CLDN14: variants seen among roughly 807,000 people sequenced by gnomAD.
The protein encoded by CLDN14 is claudin 14, also known as claudin-14.
A neutral mutation model predicts 2.1 loss-of-function variants in CLDN14; 2 were observed. That is an observed-to-expected ratio of 0.96 (90% CI 0.39 to 3.01). The LOEUF (loss-of-function observed/expected upper bound fraction) is 3.01. Ranked by LOEUF, CLDN14 falls within the 30% of genes most tolerant of loss-of-function variation. The pLI, the probability that CLDN14 is intolerant of heterozygous loss-of-function variation, is 0.09. For missense variants in CLDN14, 298 were observed against 328.0 expected (o/e 0.91, Z 0.71); for synonymous variants, 136 against 154.4 (o/e 0.88, Z 0.88).
chr21:36,566,877 T>C lies in CLDN14; in HGVS notation c.-220+9534A>G, dbSNP rs570600084. Among the ~76,000 whole-genome samples the C allele has an allele frequency of 2.0e-5, 3 of 152,282 alleles. No homozygotes were observed. In the South Asian group the frequency reaches 6.2e-4, roughly 32 times the overall value. ...AGGACCATAAATCAGGGGGCTCACG[T>C]TGATGGGTGAGGAGGCCGGAAGACA... On this transcript the variant is annotated intron_variant, in intron 1 of 2. Coordinates refer to the CLDN14 transcript ENST00000342108.
intron 1 of CLDN14, among the ~76,000 whole-genome samples, chr21:36,515,729 G>C (rs2087223065): frequency 6.7e-6 from 1 of 149,616 alleles, no homozygotes; most frequent in Non-Finnish European, 1.5e-5. Context: ...GGACACTCGG[G>C]TACTAAAAAT....
intron 1 of CLDN14, among the ~76,000 whole-genome samples, chr21:36,469,419 T>C (rs535592604): frequency 3.9e-5 from 6 of 152,352 alleles, no homozygotes; most frequent in African/African-American, 1.2e-4. Context: ...ATGCACTCTT[T>C]CCATGAGAGG....
At chr21:36,503,613 T>A (rs555616971) in intron 2 of CLDN14, among the ~76,000 whole-genome samples, 2 of 152,266 alleles carry the variant, frequency 1.3e-5, no homozygotes, top group Admixed American at 1.3e-4. Context: ...GAACTATGAG[T>A]TTTCCATGAA....
At chr21:36,476,830 G>A (rs546580007) in intron 1 of CLDN14, among the ~76,000 whole-genome samples, 4 of 152,378 alleles carry the variant, frequency 2.6e-5, no homozygotes, top group Admixed American at 6.5e-5. Context: ...ATGATTGGGT[G>A]AGTCTTCCAG....
intron 1 of CLDN14, among the ~76,000 whole-genome samples, chr21:36,553,815 A>G (rs2087579051): frequency 1.3e-5 from 2 of 152,140 alleles, no homozygotes; most frequent in African/African-American, 4.8e-5. Flanking sequence ...GGGATGAGGC[A>G]TGGCCGGCCC....
intron 1 of CLDN14, among the ~76,000 whole-genome samples, chr21:36,527,540 G>A (rs1045913716): frequency 2.6e-5 from 4 of 152,164 alleles, no homozygotes; most frequent in Non-Finnish European, 4.4e-5. Flanking sequence ...TGGCCAGCCC[G>A]CCTTGAAGTG....
chr21:36,507,590 C>A (rs1464078235), intron 2 of CLDN14, among the ~76,000 whole-genome samples: 1 of 152,066 alleles, frequency 6.6e-6, no homozygotes, highest in African/African-American at 2.4e-5. Context: ...GTGGTGGAGT[C>A]CCGTCTCTAC....
At chr21:36,486,562 A>C (rs1568853928) in intron 2 of CLDN14, 2 of 1,557,706 alleles carry the variant, frequency 1.3e-6, no homozygotes, top group Non-Finnish European at 1.8e-6. Context: ...TGAGAGCATC[A>C]GCCAAGCTGG....
intron 1 of CLDN14, among the ~76,000 whole-genome samples, chr21:36,478,312 G>C (rs1283651967): frequency 1.3e-5 from 2 of 152,214 alleles, no homozygotes; most frequent in East Asian, 3.9e-4. Context: ...AGCCAGATAA[G>C]GATGGGGGCT....
intron 1 of CLDN14, among the ~76,000 whole-genome samples, chr21:36,571,919 G>A (rs919939601): frequency 1.3e-5 from 2 of 152,126 alleles, no homozygotes; most frequent in Non-Finnish European, 1.5e-5. Flanking sequence ...TAAAAGCATG[G>A]CAGTGGATTT....
rs187834268 is a variant in CLDN14, at chr21:36,534,604, C to T, written c.-219-24104G>A. On this transcript the variant is annotated intron_variant, in intron 1 of 2. Coordinates refer to the CLDN14 transcript ENST00000342108. Reference sequence around the variant, plus strand: ...GGCTGGCTGACAATCACCATGGCACCATCCCATCAAGATGACGCACAGACT... The same window carrying T: ...GGCTGGCTGACAATCACCATGGCACTATCCCATCAAGATGACGCACAGACT... Among the ~76,000 whole-genome samples, 130 of 152,280 alleles carry T rather than the reference C, an allele frequency of 8.5e-4. 2 individuals carry two copies. The highest frequency in any genetic ancestry group is 3.1e-3 in the African/African-American group (129 of 41,554).
chr21:36,480,728 C>T (rs1008428243), upstream of CLDN14: 2 of 152,140 alleles, frequency 1.3e-5, no homozygotes, highest in East Asian at 1.9e-4. Flanking sequence ...TTTAACATGA[C>T]AAGAATTTCC....
chr21:36,511,237 G>A (rs971392705), intron 1 of CLDN14, among the ~76,000 whole-genome samples: 2 of 152,202 alleles, frequency 1.3e-5, no homozygotes, highest in African/African-American at 4.8e-5. Flanking sequence ...TTCTAAGTGA[G>A]CAGGTGTAGT....
At chr21:36,537,614 T>C (rs1288866524) in intron 1 of CLDN14, among the ~76,000 whole-genome samples, 2 of 151,150 alleles carry the variant, frequency 1.3e-5, no homozygotes, top group East Asian at 3.9e-4. Flanking sequence ...TCATTTACAA[T>C]TTACAATTTA....
At chr21:36,476,142 G>A (rs781611104) in intron 1 of CLDN14, among the ~76,000 whole-genome samples, 5 of 152,076 alleles carry the variant, frequency 3.3e-5, no homozygotes, top group African/African-American at 4.8e-5. Context: ...CTGGAATATT[G>A]TCTCACCTAC....
chr21:36,515,163 T>C lies in CLDN14; in HGVS notation c.-219-4663A>G, dbSNP rs565519574. Among the ~76,000 whole-genome samples the C allele has an allele frequency of 6.6e-5, 10 of 152,246 alleles. No individual in the cohort carries two copies. In the South Asian group the frequency reaches 1.2e-3, roughly 19 times the overall value. On this transcript the variant is annotated intron_variant, in intron 1 of 2. Coordinates refer to the CLDN14 transcript ENST00000342108. ...AACAGTAGGGAGGTTCTTCCAAAAA[T>C]TTAGTACAGAACTATTACATGGCCC...
intron 1 of CLDN14, among the ~76,000 whole-genome samples, chr21:36,464,827 T>C (rs1308099215): frequency 6.6e-6 from 1 of 152,270 alleles, no homozygotes; most frequent in Non-Finnish European, 1.5e-5. Context: ...ATGAAAGTTC[T>C]GTGCCTGGCC....
chr21:36,483,732 TG>T (rs985100062), upstream of CLDN14, among the ~76,000 whole-genome samples: 68 of 152,330 alleles, frequency 4.5e-4, no homozygotes, highest in African/African-American at 1.5e-3. Flanking sequence ...TCGTAGGTAT[TG>T]CCGAAGGAGA....
chr21:36,472,923 C>T (rs1383858038), intron 1 of CLDN14, among the ~76,000 whole-genome samples: 1 of 152,176 alleles, frequency 6.6e-6, no homozygotes, highest in Non-Finnish European at 1.5e-5. Flanking sequence ...CTTAGGGCTC[C>T]AACATAGGAA....
Sources: allele counts gnomAD v4.1 joint callset (sites outside exome capture counted in the v4.1 genomes callset), GRCh38; gene constraint gnomAD v4.1.1; transcripts MANE v1.5; gene names NCBI Gene and HGNC (gene_info 2026-07-23, HGNC 2026-07-21).